XIRP2: variants seen among roughly 807,000 people sequenced by gnomAD.
XIRP2 encodes xin actin-binding repeat-containing protein 2.
A neutral mutation model predicts 277.0 loss-of-function variants in XIRP2; 236 were observed. That is an observed-to-expected ratio of 0.85 (90% CI 0.77 to 0.95). XIRP2 has a LOEUF of 0.95. Among genes scored for constraint, XIRP2 ranks in the 40% least tolerant of loss-of-function variants. The pLI is 0.00. For synonymous variants in XIRP2, 1,490 were observed against 1,416.5 expected (o/e 1.05, Z -1.17); for missense variants, 4,640 against 4,157.5 (o/e 1.12, Z -3.19).
rs781375132 is a variant in XIRP2, at chr2:167,245,995, C to T, written c.4603C>T (p.His1535Tyr). Reference protein sequence around the residue: ...TTWLFETTPLHEFNETRVEKI... With the variant: ...TTWLFETTPLYEFNETRVEKI... ...ATGGCTCTTTGAAACAACACCACTTCATGAATTTAATGAAACTAGAGTAGA... is the reference window on the plus strand; with the variant it reads ...ATGGCTCTTTGAAACAACACCACTTTATGAATTTAATGAAACTAGAGTAGA... The change falls in exon 9 of 11, where the codon CAT becomes TAT. Residue 1535 changes from histidine to tyrosine, a missense_variant. Physicochemically the swap from His to Tyr is moderately conservative, Grantham distance 83. Coordinates refer to ENST00000409195, the MANE Select transcript of XIRP2 (RefSeq NM_152381.6). The T allele has an allele frequency of 1.2e-6, 2 of 1,613,038 alleles. No individual in the cohort carries two copies. Among genetic ancestry groups the T allele is most frequent in the Non-Finnish European group, 1.7e-6 (2 of 1,179,648 alleles).
intron 2 of XIRP2, among the ~76,000 whole-genome samples, chr2:167,053,305 GTGTT>G (rs1003127569): frequency 3.4e-4 from 52 of 152,220 alleles, no homozygotes; most frequent in African/African-American, 1.2e-3. Flanking sequence ...GTTTACATAT[GTGTT>G]TATTTGTAGA....
At chr2:167,057,086 A>G (rs1345036897) in intron 2 of XIRP2, among the ~76,000 whole-genome samples, 3 of 152,192 alleles carry the variant, frequency 2.0e-5, no homozygotes, top group East Asian at 1.9e-4. Flanking sequence ...AGTAAAGTGC[A>G]TGGTCCAAGG....
At chr2:167,165,045 T>C (rs1320171456) in intron 3 of XIRP2, among the ~76,000 whole-genome samples, 3 of 152,194 alleles carry the variant, frequency 2.0e-5, no homozygotes, top group Non-Finnish European at 4.4e-5. Flanking sequence ...GATGTTTTTA[T>C]TGTCTCCGTA....
At chr2:167,025,838 G>C (rs1272297794) in intron 2 of XIRP2, among the ~76,000 whole-genome samples, 1 of 151,956 alleles carries the variant, frequency 6.6e-6, no homozygotes, top group African/African-American at 2.4e-5. Context: ...TATAATTTCT[G>C]TTCTTTTACA....
At chr2:167,010,861 GCTCT>G (rs1368317492) in intron 2 of XIRP2, among the ~76,000 whole-genome samples, 2 of 151,824 alleles carry the variant, frequency 1.3e-5, no homozygotes, top group Non-Finnish European at 2.9e-5. Context: ...TCATGATTTG[GCTCT>G]CTGTTTGTCT....
At chr2:167,104,047 TC>T (rs1194458309) in intron 2 of XIRP2, among the ~76,000 whole-genome samples, 2 of 152,244 alleles carry the variant, frequency 1.3e-5, no homozygotes, top group African/African-American at 4.8e-5. Context: ...AAGTATTCAC[TC>T]AGGTTTTGTA....
rs116580357 is a variant in XIRP2, at chr2:166,931,315, A to T, written c.408+27425A>T. 5.2e-3 allele frequency among the ~76,000 whole-genome samples: 799 copies of T among 152,256 alleles called. 8 individuals carry two copies. The highest frequency in any genetic ancestry group is 0.018 in the African/African-American group (765 of 41,554). On this transcript the variant is annotated intron_variant, in intron 2 of 10. Transcript: ENST00000409195. ...GCATACAGTGAGATGTACACATTTCATGTGTGCAGCTCTGTTGGATTTTAC... is the reference window on the plus strand; with the variant it reads ...GCATACAGTGAGATGTACACATTTCTTGTGTGCAGCTCTGTTGGATTTTAC...
chr2:167,179,641 A>G (rs1559009679), intron 3 of XIRP2, among the ~76,000 whole-genome samples: 1 of 125,826 alleles, frequency 7.9e-6, no homozygotes, highest in African/African-American at 3.8e-5. Context: ...TTTATCTGAT[A>G]ATTTTTTTTT....
chr2:166,891,578 T>C (rs577852188), intron 1 of XIRP2, among the ~76,000 whole-genome samples: 1 of 152,296 alleles, frequency 6.6e-6, no homozygotes, highest in Non-Finnish European at 1.5e-5. Context: ...CAGATAGATA[T>C]TGAGCAACTA....
chr2:167,227,171 T>A (rs1357246815), intron 5 of XIRP2, among the ~76,000 whole-genome samples: 4 of 152,154 alleles, frequency 2.6e-5, no homozygotes, highest in South Asian at 2.1e-4. Context: ...CACACTCTGA[T>A]AGCAGGGACC....
intron 2 of XIRP2, among the ~76,000 whole-genome samples, chr2:167,101,046 C>G (rs928356068): frequency 6.6e-6 from 1 of 151,988 alleles, no homozygotes; most frequent in Non-Finnish European, 1.5e-5. Flanking sequence ...ATCTTTTGAA[C>G]GTTGAGAGTT....
At chr2:167,003,837 T>C (rs1995948) in intron 2 of XIRP2, among the ~76,000 whole-genome samples, 79,730 of 151,738 alleles carry the variant, frequency 0.53, 22,977 homozygotes, top group East Asian at 0.82. Context: ...TACTTAATCA[T>C]GTATTTTGGC....
chr2:167,179,771 C>G (rs1021050646), intron 3 of XIRP2, among the ~76,000 whole-genome samples: 1 of 151,984 alleles, frequency 6.6e-6, no homozygotes, highest in Non-Finnish European at 1.5e-5. Flanking sequence ...TCTAACGTAG[C>G]TGGGACTATA....
chr2:167,082,715 G>A lies in XIRP2; in HGVS notation c.409-53194G>A, dbSNP rs555746394. Among the ~76,000 whole-genome samples the A allele has an allele frequency of 2.5e-3, 376 of 152,228 alleles. 2 individuals carry two copies. The highest frequency in any genetic ancestry group is 8.6e-3 in the African/African-American group (358 of 41,522). Reference sequence around the variant, plus strand: ...TGGCCACTGATGAGCATTTTTTCATGTGTTTTTTGGCTGCATAAATGTCTT... The same window carrying A: ...TGGCCACTGATGAGCATTTTTTCATATGTTTTTTGGCTGCATAAATGTCTT... On this transcript the variant is annotated intron_variant, in intron 2 of 10. Transcript: ENST00000409195.
intron 2 of XIRP2, among the ~76,000 whole-genome samples, chr2:166,977,492 C>T (rs1002143529): frequency 2.0e-5 from 3 of 152,100 alleles, no homozygotes; most frequent in Non-Finnish European, 2.9e-5. Flanking sequence ...ATCAATTGTA[C>T]TGTTAACATT....
chr2:167,073,558 T>G, intron 2 of XIRP2, among the ~76,000 whole-genome samples: 1 of 152,120 alleles, frequency 6.6e-6, no homozygotes, highest in East Asian at 1.9e-4. Flanking sequence ...ACCAGTGTCA[T>G]TATATTCATT....
intron 2 of XIRP2, among the ~76,000 whole-genome samples, chr2:167,086,039 G>T (rs1211373276): frequency 6.6e-6 from 1 of 151,882 alleles, no homozygotes; most frequent in Non-Finnish European, 1.5e-5. Flanking sequence ...TCCTAGTCTC[G>T]ATGGTCTTTA....
At position 167,245,379 on chromosome 2, in the gene XIRP2, G is replaced by A. The variant is rs1406060190; in HGVS notation, c.3987G>A (p.Gly1329=). Residue 1329 remains glycine, a synonymous_variant, in exon 9 of 11, where the codon GGG becomes GGA. Transcript: ENST00000409195. ...TCTATGCAATTCAAGACCGAGAAGGGTCCTATCATGAAGTGACCACAGTTA... is the reference window on the plus strand; with the variant it reads ...TCTATGCAATTCAAGACCGAGAAGGATCCTATCATGAAGTGACCACAGTTA... ...QPLYAIQDRE[G]SYHEVTTVKK... 2.5e-6 allele frequency: 4 copies of A among 1,613,634 alleles called. No individual in the cohort carries two copies. The South Asian group carries it at 4.4e-5, about 18-fold the overall frequency.
At chr2:167,169,616 G>A (rs887749151) in intron 3 of XIRP2, among the ~76,000 whole-genome samples, 6 of 152,180 alleles carry the variant, frequency 3.9e-5, no homozygotes, top group African/African-American at 1.4e-4. Flanking sequence ...TGAGTGAGGG[G>A]TAACCTCCAA....
Sources: allele counts gnomAD v4.1 joint callset (sites outside exome capture counted in the v4.1 genomes callset), GRCh38; gene constraint gnomAD v4.1.1; transcripts MANE v1.5; gene names NCBI Gene and HGNC (gene_info 2026-07-23, HGNC 2026-07-21).